CSMD1: variants seen among roughly 807,000 people sequenced by gnomAD.
CSMD1 encodes CUB and sushi domain-containing protein 1.
CSMD1 carries 213 observed loss-of-function variants against 417.5 expected under a neutral mutation model. That is an observed-to-expected ratio of 0.51 (90% CI 0.46 to 0.57). CSMD1 has a LOEUF of 0.57. CSMD1 is among the 20% of genes least tolerant of loss of function. The pLI is 0.00. For missense variants in CSMD1, 6,923 were observed against 4,529.7 expected (o/e 1.53, Z -15.17); for synonymous variants, 2,862 against 1,736.8 (o/e 1.65, Z -16.11).
intron 3 of CSMD1, among the ~76,000 whole-genome samples, chr8:4,267,899 G>A (rs1400455087): frequency 2.0e-5 from 3 of 151,984 alleles, no homozygotes; most frequent in African/African-American, 7.3e-5. Flanking sequence ...ACACTGTAAT[G>A]ACTGAAATAA....
chr8:2,979,848 C>T (rs1805257329), intron 54 of CSMD1, among the ~76,000 whole-genome samples: 1 of 152,144 alleles, frequency 6.6e-6, no homozygotes, highest in Non-Finnish European at 1.5e-5. Context: ...AACAAAAAGC[C>T]ATGTGTGAAG....
At chr8:4,985,734 T>G (rs901439235) in intron 1 of CSMD1, among the ~76,000 whole-genome samples, 1 of 152,228 alleles carries the variant, frequency 6.6e-6, no homozygotes, top group South Asian at 2.1e-4. Context: ...AAATCTGTAT[T>G]GTTTCCATGT....
intron 5 of CSMD1, 114 bp downstream of exon 5, chr8:3,997,789 A>G (rs1815329920): frequency 3.3e-6 from 3 of 904,086 alleles, no homozygotes; most frequent in African/African-American, 1.7e-5. Context: ...CGAAAAAAGG[A>G]ACACACATGC....
chr8:3,716,333 G>C (rs546790336), intron 6 of CSMD1, among the ~76,000 whole-genome samples: 83 of 152,282 alleles, frequency 5.5e-4, no homozygotes, highest in African/African-American at 1.9e-3. Flanking sequence ...AGAAAATAGA[G>C]GAATAAAAGA....
At chr8:4,244,244 T>A in intron 3 of CSMD1, among the ~76,000 whole-genome samples, 1 of 152,138 alleles carries the variant, frequency 6.6e-6, no homozygotes, top group East Asian at 1.9e-4. Context: ...CTTGAAACGT[T>A]CCACAGAGCA....
At chr8:4,635,707 A>T (rs1055537898) in intron 2 of CSMD1, among the ~76,000 whole-genome samples, 1 of 152,132 alleles carries the variant, frequency 6.6e-6, no homozygotes, top group South Asian at 2.1e-4. Context: ...AGTAGCGTTG[A>T]TAATTGACAA....
chr8:3,699,935 C>G (rs979122375), intron 7 of CSMD1, among the ~76,000 whole-genome samples: 13 of 151,570 alleles, frequency 8.6e-5, no homozygotes, highest in African/African-American at 7.2e-5. Context: ...TATCCCATAA[C>G]TACATCCCTG....
chr8:4,566,899 G>GAGAAAAACTCAATTTAGGAATC (rs1213119599), intron 2 of CSMD1, among the ~76,000 whole-genome samples: 1 of 152,130 alleles, frequency 6.6e-6, no homozygotes, highest in Non-Finnish European at 1.5e-5. Context: ...TTCCAGCAAT[G>GAGAAAAACTCAATTTAGGAATC]AGAAAAAGTC....
At chr8:3,590,477 G>C (rs1451418236) in intron 8 of CSMD1, among the ~76,000 whole-genome samples, 2 of 152,146 alleles carry the variant, frequency 1.3e-5, no homozygotes, top group Non-Finnish European at 2.9e-5. Flanking sequence ...GTGGAGAGCG[G>C]AGGATTGCTC....
chr8:4,141,789 G>T (rs2131018485), intron 3 of CSMD1, among the ~76,000 whole-genome samples: 1 of 151,148 alleles, frequency 6.6e-6, no homozygotes, highest in South Asian at 2.1e-4. Flanking sequence ...GAAACATATT[G>T]TGAACTCTAT....
chr8:3,405,038 T>C (rs1812265276), intron 15 of CSMD1, among the ~76,000 whole-genome samples: 1 of 152,204 alleles, frequency 6.6e-6, no homozygotes, highest in South Asian at 2.1e-4. Flanking sequence ...TTAAGAGTCC[T>C]ACTAAGAATT....
chr8:2,962,654 C>A lies in CSMD1; in HGVS notation c.9455-15G>T. 1.2e-6 allele frequency: 2 copies of A among 1,610,674 alleles called. No homozygotes were observed. The highest frequency in any genetic ancestry group is 1.7e-6 in the Non-Finnish European group (2 of 1,177,902). On this transcript the variant is annotated splice_polypyrimidine_tract_variant and intron_variant, in intron 60 of 69. Transcript: ENST00000635120. ...GCAGAACACAGCTATGGAAGATAACCAGGAAGAAGTCAGCCTTCAACGTCC... is the reference window on the plus strand; with the variant it reads ...GCAGAACACAGCTATGGAAGATAACAAGGAAGAAGTCAGCCTTCAACGTCC...
chr8:3,193,188 C>A (rs1169267607), intron 33 of CSMD1, among the ~76,000 whole-genome samples: 1 of 152,172 alleles, frequency 6.6e-6, no homozygotes, highest in Non-Finnish European at 1.5e-5. Context: ...GTATCACTAT[C>A]TTTCCAAGTT....
At chr8:4,310,833 G>A (rs914051342) in intron 3 of CSMD1, among the ~76,000 whole-genome samples, 2 of 152,118 alleles carry the variant, frequency 1.3e-5, no homozygotes, top group Admixed American at 6.5e-5. Context: ...TCAGCAGCAA[G>A]ACTATCTCAA....
At chr8:4,547,720 C>T (rs1340250846) in intron 2 of CSMD1, among the ~76,000 whole-genome samples, 1 of 152,146 alleles carries the variant, frequency 6.6e-6, no homozygotes, top group Non-Finnish European at 1.5e-5. Flanking sequence ...GGAGTAGAAG[C>T]TATAAGCAGA....
intron 1 of CSMD1, among the ~76,000 whole-genome samples, chr8:4,875,907 A>C (rs1370928325): frequency 6.6e-6 from 1 of 152,110 alleles, no homozygotes; most frequent in Non-Finnish European, 1.5e-5. Context: ...TACTCAAAAG[A>C]GTCTTTAATA....
chr8:3,263,639 T>C (rs983232275), intron 26 of CSMD1, among the ~76,000 whole-genome samples: 2 of 151,750 alleles, frequency 1.3e-5, no homozygotes, highest in Non-Finnish European at 2.9e-5. Flanking sequence ...ATTGATAACA[T>C]ATAGTTACCC....
At chr8:3,625,811 C>A (rs1351897726) in intron 7 of CSMD1, among the ~76,000 whole-genome samples, 1 of 152,004 alleles carries the variant, frequency 6.6e-6, no homozygotes, top group Non-Finnish European at 1.5e-5. Flanking sequence ...TTTAACATCG[C>A]CTGCCCTAGG....
chr8:4,046,057 A>G (rs17331272), intron 3 of CSMD1, among the ~76,000 whole-genome samples: 13,140 of 152,198 alleles, frequency 0.086, 800 homozygotes, highest in Middle Eastern at 0.17. Flanking sequence ...AGATTTTAAA[A>G]TCAGTTCTCC....
Sources: allele counts gnomAD v4.1 joint callset (sites outside exome capture counted in the v4.1 genomes callset), GRCh38; gene constraint gnomAD v4.1.1; transcripts MANE v1.5; gene names NCBI Gene and HGNC (gene_info 2026-07-23, HGNC 2026-07-21).